The following AFG2A variants were observed in gnomAD, a reference collection of about 807,000 sequenced individuals.
AFG2A encodes the protein AAA ATPase AFG2A, also known as ATPase family gene 2 protein homolog A.
the AFG2A span, among the ~76,000 whole-genome samples, chr4:123,221,854 G>A: frequency 6.6e-6 from 1 of 152,040 alleles, no homozygotes; most frequent in Admixed American, 6.6e-5. Context: ...TTGAACCCGG[G>A]AGGCGGAGGT....
the AFG2A span, among the ~76,000 whole-genome samples, chr4:123,115,957 T>C: frequency 6.6e-6 from 1 of 152,144 alleles, no homozygotes; most frequent in Non-Finnish European, 1.5e-5. Context: ...TGGAGTTCAG[T>C]GGGGCAATCG....
the AFG2A span, among the ~76,000 whole-genome samples, chr4:123,123,280 A>G: frequency 1.3e-5 from 2 of 152,118 alleles, no homozygotes; most frequent in Non-Finnish European, 1.5e-5. Flanking sequence ...ATATCATATA[A>G]TGTTTTTCAT....
chr4:123,046,337 G>A, the AFG2A span, among the ~76,000 whole-genome samples: 1 of 152,130 alleles, frequency 6.6e-6, no homozygotes, highest in Non-Finnish European at 1.5e-5. Context: ...TTGTAACTCT[G>A]TGCAGCTTTG....
the AFG2A span, among the ~76,000 whole-genome samples, chr4:123,051,325 A>G: frequency 2.6e-5 from 4 of 151,868 alleles, no homozygotes; most frequent in Non-Finnish European, 5.9e-5. Flanking sequence ...ATTATTTCAA[A>G]CTGGTACCAA....
the AFG2A span, among the ~76,000 whole-genome samples, chr4:123,248,940 T>G: frequency 6.6e-6 from 1 of 152,196 alleles, no homozygotes; most frequent in Non-Finnish European, 1.5e-5. Flanking sequence ...TAGCATTTAA[T>G]ACTTACTGAA....
the AFG2A span, among the ~76,000 whole-genome samples, chr4:123,195,737 G>T: frequency 6.6e-6 from 1 of 152,122 alleles, no homozygotes; most frequent in African/African-American, 2.4e-5. Context: ...CTGTCCCTCA[G>T]TGATTACAGG....
chr4:122,959,715 G>A, the AFG2A span, among the ~76,000 whole-genome samples: 1 of 152,298 alleles, frequency 6.6e-6, no homozygotes, highest in East Asian at 1.9e-4. Flanking sequence ...AACCTCTGTA[G>A]TGTTTGTGTA....
chr4:122,946,455 G>A, the AFG2A span, among the ~76,000 whole-genome samples: 6 of 152,102 alleles, frequency 3.9e-5, no homozygotes, highest in African/African-American at 7.2e-5. Context: ...TCATAGATTC[G>A]CTGTAGTCCA....
chr4:123,094,242 C>A, the AFG2A span, among the ~76,000 whole-genome samples: 1 of 152,140 alleles, frequency 6.6e-6, no homozygotes, highest in Non-Finnish European at 1.5e-5. Flanking sequence ...AACGGCAACA[C>A]TTTATTTTCA....
the AFG2A span, among the ~76,000 whole-genome samples, chr4:123,300,299 A>T: frequency 1.3e-5 from 2 of 152,236 alleles, no homozygotes; most frequent in Non-Finnish European, 2.9e-5. Context: ...ACAAAGAATA[A>T]CTATAATGAA....
the AFG2A span, among the ~76,000 whole-genome samples, chr4:123,248,593 T>G: frequency 6.6e-6 from 1 of 152,206 alleles, no homozygotes; most frequent in Non-Finnish European, 1.5e-5. Context: ...CAGGTTTCTG[T>G]GCAGACAAGC....
the AFG2A span, among the ~76,000 whole-genome samples, chr4:123,000,108 C>A: frequency 6.7e-6 from 1 of 149,298 alleles, no homozygotes; most frequent in Non-Finnish European, 1.5e-5. Context: ...CTCTGTTTGT[C>A]TGTTATTGGT....
chr4:122,934,499 T>G, the AFG2A span: 1 of 1,614,208 alleles, frequency 6.2e-7, no homozygotes, highest in South Asian at 1.1e-5. Flanking sequence ...AATGAGCAAC[T>G]TACTGAAGAA....
the AFG2A span, among the ~76,000 whole-genome samples, chr4:123,128,445 A>G: frequency 6.6e-6 from 1 of 152,150 alleles, no homozygotes; most frequent in Non-Finnish European, 1.5e-5. Context: ...GTAATTCTCT[A>G]CAGGCTTAAA....
the AFG2A span, among the ~76,000 whole-genome samples, chr4:122,964,794 A>G: frequency 6.6e-6 from 1 of 152,178 alleles, no homozygotes; most frequent in Admixed American, 6.5e-5. Context: ...CTTATAATAT[A>G]AATAAGGTGA....
At chr4:123,070,725 C>T in the AFG2A span, among the ~76,000 whole-genome samples, 871 of 152,224 alleles carry the variant, frequency 5.7e-3, 5 homozygotes, top group Middle Eastern at 0.034. Context: ...TATTCAATCA[C>T]CAGGCAAGTA....
At chr4:123,227,602 A>G in the AFG2A span, among the ~76,000 whole-genome samples, 1 of 152,268 alleles carries the variant, frequency 6.6e-6, no homozygotes, top group Admixed American at 6.5e-5. Context: ...CTGTTCTTTT[A>G]CATTTGCTGA....
At chr4:123,305,682 AC>A in the AFG2A span, among the ~76,000 whole-genome samples, 1 of 152,138 alleles carries the variant, frequency 6.6e-6, no homozygotes, top group Non-Finnish European at 1.5e-5. Context: ...CTTGACTGTT[AC>A]TTTTTATCAC....
the AFG2A span, among the ~76,000 whole-genome samples, chr4:123,164,321 T>G: frequency 1.3e-5 from 2 of 152,170 alleles, no homozygotes; most frequent in African/African-American, 4.8e-5. Context: ...CAATAGAAAT[T>G]TAAGTCTTTG....
Sources: allele counts gnomAD v4.1 joint callset (sites outside exome capture counted in the v4.1 genomes callset), GRCh38; gene constraint gnomAD v4.1.1; transcripts MANE v1.5; gene names NCBI Gene and HGNC (gene_info 2026-07-23, HGNC 2026-07-21).